CNTNAP2: variants seen among roughly 807,000 people sequenced by gnomAD.
CNTNAP2 encodes the protein contactin-associated protein-like 2.
Under a neutral mutation model 155.2 loss-of-function variants are expected in CNTNAP2, and 98 were observed. The ratio of observed to expected loss-of-function variants is 0.63; its 90% CI spans 0.54 to 0.75. The LOEUF is 0.75. Ranked by LOEUF, CNTNAP2 falls within the 30% of genes least tolerant of loss-of-function variation. The probability of loss-of-function intolerance (pLI) is 0.00; values close to 1 mark genes in which losing one functional copy is unlikely to be tolerated. For missense variants in CNTNAP2, 1,727 were observed against 1,688.1 expected (o/e 1.02, Z -0.40); for synonymous variants, 651 against 631.2 (o/e 1.03, Z -0.47).
intron 12 of CNTNAP2, among the ~76,000 whole-genome samples, chr7:147,588,783 C>T (rs1800683160): frequency 6.6e-6 from 1 of 152,160 alleles, no homozygotes; most frequent in African/African-American, 2.4e-5. Context: ...CACACAACCT[C>T]ACAACAAGTG....
intron 14 of CNTNAP2, among the ~76,000 whole-genome samples, chr7:147,955,695 A>T (rs1027182249): frequency 2.0e-5 from 3 of 152,168 alleles, no homozygotes; most frequent in African/African-American, 7.2e-5. Context: ...CATATGATGC[A>T]CAGTCCCTGA....
chr7:146,717,412 C>A, intron 1 of CNTNAP2, among the ~76,000 whole-genome samples: 1 of 150,754 alleles, frequency 6.6e-6, no homozygotes, highest in Admixed American at 6.6e-5. Context: ...GCTCAGGAGG[C>A]TGAGGCATGG....
intron 3 of CNTNAP2, among the ~76,000 whole-genome samples, chr7:146,961,206 T>C (rs1368712711): frequency 1.3e-5 from 2 of 152,202 alleles, no homozygotes; most frequent in African/African-American, 4.8e-5. Flanking sequence ...GCAGTACCAG[T>C]GAAGCCCTTT....
intron 1 of CNTNAP2, among the ~76,000 whole-genome samples, chr7:146,611,920 T>C (rs1799144976): frequency 6.6e-6 from 1 of 152,184 alleles, no homozygotes; most frequent in African/African-American, 2.4e-5. Flanking sequence ...CTTTTCAATA[T>C]TGAAAGGATT....
At chr7:146,639,446 G>A (rs1228552275) in intron 1 of CNTNAP2, among the ~76,000 whole-genome samples, 3 of 138,732 alleles carry the variant, frequency 2.2e-5, no homozygotes, top group Middle Eastern at 3.6e-3. Context: ...CAAGTATCAT[G>A]TAAGATAGAT....
Position 147,057,759 on chromosome 7 carries a change from C to T in CNTNAP2, c.550+13705C>T, listed in dbSNP as rs944044485. On this transcript the variant is annotated intron_variant, in intron 4 of 23. Coordinates refer to ENST00000361727, the MANE Select transcript of CNTNAP2 (RefSeq NM_014141.6). The stretch of plus-strand genomic sequence containing the variant: ...CAGTTCATTGTGTTCCTAGGAACTA[C>T]GAAAGGAAAATTGACACATTGTAAG... Among the ~76,000 whole-genome samples, 8 of 151,996 alleles carry T rather than the reference C, an allele frequency of 5.3e-5. 1 individual carries two copies. The East Asian group carries it at 7.7e-4, about 15-fold the overall frequency.
At chr7:147,264,756 G>T (rs955722657) in intron 8 of CNTNAP2, among the ~76,000 whole-genome samples, 3 of 151,822 alleles carry the variant, frequency 2.0e-5, no homozygotes, top group African/African-American at 7.2e-5. Context: ...CAGCAAGACA[G>T]GTGATAGCAT....
intron 22 of CNTNAP2, among the ~76,000 whole-genome samples, chr7:148,402,053 A>G (rs892432703): frequency 6.6e-6 from 1 of 152,228 alleles, no homozygotes; most frequent in Non-Finnish European, 1.5e-5. Flanking sequence ...GAGGGAGTAC[A>G]ATGGAATCAA....
intron 11 of CNTNAP2, among the ~76,000 whole-genome samples, chr7:147,546,133 T>C (rs1016869105): frequency 1.3e-5 from 2 of 152,170 alleles, no homozygotes; most frequent in Middle Eastern, 3.2e-3. Flanking sequence ...AAATCACATT[T>C]GCTAATGTCT....
chr7:147,616,309 C>T (rs1053506090), intron 12 of CNTNAP2, among the ~76,000 whole-genome samples: 3 of 152,184 alleles, frequency 2.0e-5, no homozygotes, highest in Admixed American at 6.5e-5. Context: ...TTATTGACCA[C>T]ACATGAGCCA....
At chr7:147,981,483 T>C (rs1801528547) in intron 15 of CNTNAP2, among the ~76,000 whole-genome samples, 1 of 152,242 alleles carries the variant, frequency 6.6e-6, no homozygotes. Flanking sequence ...TTATAAAGAC[T>C]AAACCTATTG....
At chr7:148,245,578 C>A (rs1360328230) in intron 20 of CNTNAP2, among the ~76,000 whole-genome samples, 1 of 152,178 alleles carries the variant, frequency 6.6e-6, no homozygotes, top group Admixed American at 6.5e-5. Context: ...GGAACTAAAC[C>A]TCTCTGGAAG....
chr7:147,305,786 A>G (rs1795015604), intron 9 of CNTNAP2, among the ~76,000 whole-genome samples: 1 of 152,120 alleles, frequency 6.6e-6, no homozygotes, highest in South Asian at 2.1e-4. Flanking sequence ...ACATAGTTCT[A>G]TTCTGTCAAT....
intron 13 of CNTNAP2, among the ~76,000 whole-genome samples, chr7:147,743,593 A>G (rs751321419): frequency 5.3e-5 from 8 of 152,072 alleles, no homozygotes; most frequent in Non-Finnish European, 1.0e-4. Flanking sequence ...ACGCTCTGGT[A>G]ATTGCGTTTC....
intron 19 of CNTNAP2, among the ~76,000 whole-genome samples, chr7:148,221,515 C>T (rs1795747295): frequency 6.6e-6 from 1 of 152,148 alleles, no homozygotes. Context: ...CAAGACTATC[C>T]TCAAACTGCT....
intron 11 of CNTNAP2, among the ~76,000 whole-genome samples, chr7:147,509,065 G>T (rs1030211925): frequency 1.3e-5 from 2 of 152,126 alleles, no homozygotes; most frequent in Non-Finnish European, 2.9e-5. Context: ...TTCCCACTCA[G>T]CTGCAGGCAT....
At chr7:146,412,942 T>C (rs549613075) in intron 1 of CNTNAP2, among the ~76,000 whole-genome samples, 1 of 152,322 alleles carries the variant, frequency 6.6e-6, no homozygotes, top group South Asian at 2.1e-4. Context: ...CCTCATCAGA[T>C]AGACTTTTAA....
intron 1 of CNTNAP2, among the ~76,000 whole-genome samples, chr7:146,651,050 C>G (rs1239752223): frequency 1.3e-5 from 2 of 151,790 alleles, no homozygotes; most frequent in Non-Finnish European, 2.9e-5. Flanking sequence ...CAACTAGATT[C>G]TCCATAAAAC....
At chr7:147,739,280 G>C (rs1387898870) in intron 13 of CNTNAP2, among the ~76,000 whole-genome samples, 1 of 151,672 alleles carries the variant, frequency 6.6e-6, no homozygotes, top group East Asian at 1.9e-4. Context: ...TCATTATTGT[G>C]TATGTGTGTG....
Sources: gnomAD v4.1 joint callset for allele counts (sites outside exome capture counted in the v4.1 genomes callset) on GRCh38, gnomAD v4.1.1 for gene constraint, MANE v1.5 for transcripts, NCBI Gene and HGNC (gene_info 2026-07-23, HGNC 2026-07-21) for gene names.